Variants in TAF1 observed in about 807,000 individuals in gnomAD.
TAF1 encodes TATA-box binding protein associated factor 1.
In TAF1, 2 loss-of-function variants were observed where a neutral mutation model predicts 138.5. The ratio of observed to expected loss-of-function variants is 0.01; its 90% CI spans 0.01 to 0.05. The LOEUF is 0.05. TAF1 is among the 10% of genes least tolerant of loss of function. TAF1 has a pLI of 1.00. For missense variants in TAF1, 709 were observed against 1,478.0 expected (o/e 0.48, Z 8.53); for synonymous variants, 437 against 503.2 (o/e 0.87, Z 1.76).
At chrX:71,396,885 TGTG>T (rs1242024672) in intron 22 of TAF1, among the ~76,000 whole-genome samples, 2 of 108,354 alleles carry the variant, frequency 1.8e-5, no homozygotes, top group Admixed American at 1.0e-4. Flanking sequence ...TTTAGCTGGG[TGTG>T]GTGGTACACG....
At chrX:71,428,164 C>T (rs189083655) in intron 32 of TAF1, among the ~76,000 whole-genome samples, 1,661 of 106,464 alleles carry the variant, frequency 0.016, 28 homozygotes, top group African/African-American at 0.055. Context: ...TACAGGCTCC[C>T]GCCACCGTGC....
intron 13 of TAF1, chrX:71,492,645 AGCTGCGGATCAGGGCCC>A (rs2147543415): frequency 1.6e-5 from 2 of 121,583 alleles, no homozygotes; most frequent in Admixed American, 1.8e-4. Context: ...CCCGGCTCCT[AGCTGCGGATCAGGGCCC>A]GCTGGGCGCA....
intron 36 of TAF1, 23 bp from the exon 37 acceptor site, chrX:71,460,603 C>T (rs2038509534): frequency 8.3e-7 from 1 of 1,207,552 alleles, no homozygotes; most frequent in African/African-American, 1.7e-5. Context: ...TCTTGATGAC[C>T]CAGAATCTGT....
intron 21 of TAF1, 42 bp from the exon 22 acceptor site, chrX:71,394,025 A>G (rs1344418024): frequency 2.6e-6 from 3 of 1,137,430 alleles, no homozygotes; most frequent in Non-Finnish European, 3.5e-6. Flanking sequence ...CTGCAACCAT[A>G]TTTCTTTAGT....
At chrX:71,478,628 G>A (rs1049711150) in intron 13 of TAF1, among the ~76,000 whole-genome samples, 1 of 111,771 alleles carries the variant, frequency 8.9e-6, no homozygotes, top group Non-Finnish European at 1.9e-5. Flanking sequence ...GCAGAGATGG[G>A]AGGATTGCTT....
At chrX:71,430,726 G>A (rs750242284) in intron 32 of TAF1, among the ~76,000 whole-genome samples, 1 of 111,763 alleles carries the variant, frequency 8.9e-6, no homozygotes, top group East Asian at 2.8e-4. Flanking sequence ...TTTTACTTTA[G>A]ACTTGTTTGT....
intron 13 of TAF1, among the ~76,000 whole-genome samples, chrX:71,488,239 C>CTTTT (rs368273639): frequency 2.2e-4 from 16 of 71,302 alleles, no homozygotes; most frequent in Non-Finnish European, 2.7e-4. Context: ...TAGGTGGTTT[C>CTTTT]TTTTTTTTTT....
intron 32 of TAF1, among the ~76,000 whole-genome samples, chrX:71,426,890 T>C (rs2036619920): frequency 8.9e-6 from 1 of 111,766 alleles, no homozygotes; most frequent in African/African-American, 3.3e-5. Flanking sequence ...AGGGAAACAA[T>C]TTCTTATAAT....
chrX:71,424,473 C>T (rs1450327350), intron 32 of TAF1, among the ~76,000 whole-genome samples: 1 of 87,922 alleles, frequency 1.1e-5, no homozygotes, highest in East Asian at 3.6e-4. Context: ...TTTGCCCAGG[C>T]TGAGCTCAAG....
chrX:71,428,930 G>A (rs180898869), intron 32 of TAF1, among the ~76,000 whole-genome samples: 213 of 111,862 alleles, frequency 1.9e-3, no homozygotes, highest in Non-Finnish European at 2.8e-3. Flanking sequence ...CATGGGGTTA[G>A]GATTGTCTTT....
intron 13 of TAF1, among the ~76,000 whole-genome samples, chrX:71,493,863 G>A (rs1176306001): frequency 1.8e-5 from 2 of 111,699 alleles, no homozygotes; most frequent in East Asian, 5.6e-4. Context: ...TAGGCTTGGT[G>A]ATTCTCCCCT....
chrX:71,511,533 G>A (rs937867632), intron 13 of TAF1, among the ~76,000 whole-genome samples: 1 of 112,510 alleles, frequency 8.9e-6, no homozygotes, highest in Non-Finnish European at 1.9e-5. Context: ...TTTTGGAAGG[G>A]AGCAAGACAG....
At chrX:71,407,891 A>G (rs1256951206) in intron 27 of TAF1, 83 bp from the exon 28 acceptor site, 5 of 1,103,553 alleles carry the variant, frequency 4.5e-6, no homozygotes, top group Non-Finnish European at 6.1e-6. Flanking sequence ...ATAGCCAGGT[A>G]GATAGGTAAG....
At chrX:71,438,446 CAG>C (rs1411881179) in intron 32 of TAF1, among the ~76,000 whole-genome samples, 18 of 111,747 alleles carry the variant, frequency 1.6e-4, no homozygotes, top group African/African-American at 5.8e-4. Flanking sequence ...TAGCATGTAT[CAG>C]AGTTTCATTC....
At chrX:71,484,656 TA>T (rs1355886714) in intron 13 of TAF1, among the ~76,000 whole-genome samples, 1 of 111,747 alleles carries the variant, frequency 8.9e-6, no homozygotes, top group Non-Finnish European at 1.9e-5. Flanking sequence ...ATTCATCCTT[TA>T]AGTGTTTTAT....
At chrX:71,431,631 G>T (rs918051976) in intron 32 of TAF1, among the ~76,000 whole-genome samples, 6 of 110,890 alleles carry the variant, frequency 5.4e-5, no homozygotes, top group African/African-American at 2.0e-4. Flanking sequence ...AAGATAACAG[G>T]TGAGGCCTGG....
At chrX:71,443,368 G>A (rs1021413871) in intron 32 of TAF1, among the ~76,000 whole-genome samples, 1 of 111,568 alleles carries the variant, frequency 9.0e-6, no homozygotes, top group Non-Finnish European at 1.9e-5. Context: ...CCTTGAAGAG[G>A]TCCTTCACAT....
intron 13 of TAF1, among the ~76,000 whole-genome samples, chrX:71,480,737 TAAG>T (rs1291044188): frequency 9.9e-5 from 11 of 111,327 alleles, no homozygotes; most frequent in Admixed American, 7.7e-4. Flanking sequence ...GTGTATGTGT[TAAG>T]GAGGAGAGAG....
At chrX:71,431,934 A>T (rs1234865408) in intron 32 of TAF1, among the ~76,000 whole-genome samples, 1 of 108,095 alleles carries the variant, frequency 9.3e-6, no homozygotes, top group Non-Finnish European at 1.9e-5. Context: ...AAAAAAAAAT[A>T]TGAAGGAGTG....
Sources: gnomAD v4.1 joint callset for allele counts (sites outside exome capture counted in the v4.1 genomes callset) on GRCh38, gnomAD v4.1.1 for gene constraint, MANE v1.5 for transcripts, NCBI Gene and HGNC (gene_info 2026-07-23, HGNC 2026-07-21) for gene names.